The following SLC22A15 variants were observed in gnomAD, a reference collection of about 807,000 sequenced individuals.
SLC22A15 encodes flipt 1.
Under a neutral mutation model 62.7 loss-of-function variants are expected in SLC22A15, and 45 were observed. The observed-to-expected ratio is 0.72, with a 90% CI of 0.56 to 0.92. The LOEUF (loss-of-function observed/expected upper bound fraction) is 0.92, where lower values mean the gene tolerates loss of function less well. SLC22A15 is among the 40% of genes least tolerant of loss of function. The probability of loss-of-function intolerance (pLI) is 0.00; values close to 1 mark genes in which losing one functional copy is unlikely to be tolerated. For synonymous variants in SLC22A15, 264 were observed against 267.0 expected (o/e 0.99, Z 0.11); for missense variants, 622 against 665.6 (o/e 0.93, Z 0.72).
At chr1:116,020,692 G>T (rs549268645) in intron 3 of SLC22A15, 29 bp from the exon 4 acceptor site, 2 of 1,565,832 alleles carry the variant, frequency 1.3e-6, no homozygotes, top group Non-Finnish European at 1.7e-6. Context: ...TTTGCCTCTG[G>T]ATTATTGAAT....
intron 5 of SLC22A15, among the ~76,000 whole-genome samples, chr1:116,029,841 G>A (rs904403800): frequency 6.6e-6 from 1 of 152,086 alleles, no homozygotes. Flanking sequence ...CGTATTTTCT[G>A]TTGTTTCTTT....
At chr1:116,054,554 A>G (rs1195923143) in intron 8 of SLC22A15, among the ~76,000 whole-genome samples, 2 of 152,192 alleles carry the variant, frequency 1.3e-5, no homozygotes. Flanking sequence ...CACCAAGCTG[A>G]CCTAATAGAC....
At position 116,039,243 on chromosome 1, in the gene SLC22A15, C is replaced by T. The variant is rs375524567; in HGVS notation, c.1171+1855C>T. Among the ~76,000 whole-genome samples, 27 of 152,096 alleles carry T rather than the reference C, an allele frequency of 1.8e-4. 2 individuals are homozygous for T. The highest frequency in any genetic ancestry group is 1.5e-3 in the East Asian group (8 of 5,186). On this transcript the variant is annotated intron_variant, in intron 8 of 11. Coordinates refer to ENST00000369503, the MANE Select transcript of SLC22A15 (RefSeq NM_018420.3). The stretch of plus-strand genomic sequence containing the variant: ...ACGTGGATGTATTGTCTATTTTTAA[C>T]GATTTCTTAGCTGGGCATGGTGGCT...
intron 1 of SLC22A15, among the ~76,000 whole-genome samples, chr1:115,990,568 A>G (rs1048492441): frequency 2.0e-5 from 3 of 152,180 alleles, no homozygotes; most frequent in Admixed American, 2.0e-4. Context: ...ACAGTATGCA[A>G]ATAGGAGCCA....
At chr1:116,045,738 C>A (rs1456510082) in intron 8 of SLC22A15, among the ~76,000 whole-genome samples, 844 of 101,602 alleles carry the variant, frequency 8.3e-3, no homozygotes, top group South Asian at 9.7e-3. Flanking sequence ...GACTCCATCT[C>A]AAAAAAAAAA....
chr1:116,020,853 A>C lies in SLC22A15; in HGVS notation c.566A>C (p.Glu189Ala). ...MSLVAFVLLN[E>A]CVGTAYWALA... ...CTGGTGGCCTTTGTCTTGCTTAATG[A>C]ATGTGTGGGCACCGCCTACTGGGCA... Residue 189 changes from glutamate (E) to alanine (A), a missense_variant, in exon 4 of 12, where the codon GAA becomes GCA. Glu to Ala is a moderately radical substitution (Grantham distance 107, BLOSUM62 -1). Transcript: ENST00000369503. The C allele has an allele frequency of 6.2e-7, 1 of 1,613,038 alleles. No homozygotes were observed. Among genetic ancestry groups the C allele is most frequent in the Non-Finnish European group, 8.5e-7 (1 of 1,179,350 alleles).
In SLC22A15 at chr1:115,976,570, C is replaced by T. The variant is rs1012783567; in HGVS notation, c.-58C>T. On this transcript the variant is annotated 5_prime_UTR_variant, in exon 1 of 12. Transcript: ENST00000369503. ...GGCGCCCAGGGGTTGCCGCGCTGGG[C>T]GGGAGGGCAGCGCCTGAGAGGGCGG... The T allele has an allele frequency of 9.6e-6, 13 of 1,360,016 alleles. No individual in the cohort carries two copies. The highest frequency in any genetic ancestry group is 6.0e-5 in the African/African-American group (4 of 66,356). 84.2% of individuals were successfully genotyped at this position (1,360,016 alleles called of 1,614,324 possible). A position where few individuals can be genotyped will look rare whatever the true frequency, so the allele number is the denominator to read the frequency against.
At chr1:115,985,125 C>T (rs944712129) in intron 1 of SLC22A15, among the ~76,000 whole-genome samples, 1 of 152,174 alleles carries the variant, frequency 6.6e-6, no homozygotes, top group Non-Finnish European at 1.5e-5. Flanking sequence ...CAGTGACTCA[C>T]GCAGGGCAAC....
chr1:115,976,584 C>CT lies in SLC22A15; in HGVS notation c.-43dup. ...GCCGCGCTGGGCGGGAGGGCAGCGCCTGAGAGGGCGGTGGGGTGGCGGGGT... is the reference window on the plus strand; with the variant it reads ...GCCGCGCTGGGCGGGAGGGCAGCGCCTTGAGAGGGCGGTGGGGTGGCGGGGT... On this transcript the variant is annotated 5_prime_UTR_variant, in exon 1 of 12. Coordinates refer to ENST00000369503, the MANE Select transcript of SLC22A15 (RefSeq NM_018420.3). The CT allele has an allele frequency of 6.8e-7, 1 of 1,470,658 alleles. No individual in the cohort carries two copies. 91.1% of individuals were successfully genotyped at this position (1,470,658 alleles called of 1,614,324 possible).
At chr1:116,040,774 T>G (rs912193346) in intron 8 of SLC22A15, among the ~76,000 whole-genome samples, 3 of 152,188 alleles carry the variant, frequency 2.0e-5, no homozygotes, top group Non-Finnish European at 4.4e-5. Flanking sequence ...GTGCCAGCCA[T>G]GCCAGGCTAA....
chr1:115,992,252 A>C lies in SLC22A15; in HGVS notation c.300+9A>C. ...CCTCCATCGCCTCGGAGGTAACAAC[A>C]GGCTGTTTCAATCACTAAATAAATG... On this transcript the variant is annotated intron_variant, in intron 2 of 11. Coordinates refer to ENST00000369503, the MANE Select transcript of SLC22A15 (RefSeq NM_018420.3). 1 of 1,561,246 alleles carries C rather than the reference A, an allele frequency of 6.4e-7. No homozygotes were observed. Among genetic ancestry groups the C allele is most frequent in the South Asian group, 1.2e-5 (1 of 84,964 alleles).
At chr1:115,997,889 T>C (rs1038459123) in intron 2 of SLC22A15, among the ~76,000 whole-genome samples, 1 of 152,092 alleles carries the variant, frequency 6.6e-6, no homozygotes, top group African/African-American at 2.4e-5. Context: ...AGGAAAGACT[T>C]TGTTTTCTGT....
chr1:115,995,565 C>G (rs987038371), intron 2 of SLC22A15, among the ~76,000 whole-genome samples: 24 of 152,252 alleles, frequency 1.6e-4, no homozygotes, highest in African/African-American at 5.1e-4. Context: ...ATGGTTATTT[C>G]TTAACTCCAG....
At chr1:116,038,808 C>T (rs1657701093) in intron 8 of SLC22A15, among the ~76,000 whole-genome samples, 1 of 152,098 alleles carries the variant, frequency 6.6e-6, no homozygotes, top group Non-Finnish European at 1.5e-5. Flanking sequence ...CAATAATAGT[C>T]CAGCTTTCTG....
chr1:116,056,854 G>A (rs1040437546), intron 8 of SLC22A15, among the ~76,000 whole-genome samples: 1 of 151,992 alleles, frequency 6.6e-6, no homozygotes, highest in Non-Finnish European at 1.5e-5. Context: ...GCTAGCCATA[G>A]GTACAAAGCT....
rs186798547 is a variant in SLC22A15, at chr1:116,031,181, T to C, written c.729-185T>C. Among the ~76,000 whole-genome samples the C allele has an allele frequency of 1.1e-4, 16 of 152,316 alleles. No homozygotes were observed. In the East Asian group the frequency reaches 3.1e-3, roughly 29 times the overall value. ...CTTGGTTTTCAGTGATAAAGTAGAC[T>C]ACCATTTAATGTTAGCATGCTGTTG... On this transcript the variant is annotated intron_variant, in intron 5 of 11. Transcript: ENST00000369503.
chr1:116,032,637 T>TC, intron 6 of SLC22A15: 1 of 985,240 alleles, frequency 1.0e-6, no homozygotes, highest in Non-Finnish European at 1.2e-6. Flanking sequence ...ACTGCTGCTT[T>TC]CCCCCACAGA....
At chr1:116,016,225 G>C (rs1463267390) in intron 2 of SLC22A15, among the ~76,000 whole-genome samples, 2 of 146,422 alleles carry the variant, frequency 1.4e-5, no homozygotes, top group Non-Finnish European at 3.0e-5. Flanking sequence ...CTTTTGACAG[G>C]GTCTCACTCT....
chr1:115,994,269 G>A (rs1003995896), intron 2 of SLC22A15, among the ~76,000 whole-genome samples: 4 of 152,050 alleles, frequency 2.6e-5, no homozygotes, highest in Non-Finnish European at 4.4e-5. Context: ...ATTATGATAT[G>A]CCAGGGATTG....
Sources: gnomAD v4.1 joint callset for allele counts (sites outside exome capture counted in the v4.1 genomes callset) on GRCh38, gnomAD v4.1.1 for gene constraint, MANE v1.5 for transcripts, NCBI Gene and HGNC (gene_info 2026-07-23, HGNC 2026-07-21) for gene names.